FBXO15: variants seen among roughly 807,000 people sequenced by gnomAD.
FBXO15 encodes the protein F-box protein 15.
FBXO15 carries 30 observed loss-of-function variants against 49.5 expected under a neutral mutation model. The ratio of observed to expected loss-of-function variants is 0.61; its 90% CI spans 0.45 to 0.82. The LOEUF (loss-of-function observed/expected upper bound fraction) is 0.82. Among genes scored for constraint, FBXO15 ranks in the 40% least tolerant of loss-of-function variants. The pLI is 0.00. For synonymous variants in FBXO15, 250 were observed against 232.7 expected, an observed-to-expected ratio of 1.07 and a Z score of -0.68; for missense variants, 591 against 631.5, an observed-to-expected ratio of 0.94 and a Z score of 0.69.
At chr18:74,091,503 T>A (rs888827636) in intron 8 of FBXO15, among the ~76,000 whole-genome samples, 2 of 152,232 alleles carry the variant, frequency 1.3e-5, no homozygotes, top group Admixed American at 1.3e-4. Context: ...GTCTATGTAC[T>A]TAATGTGTTT....
At chr18:74,108,394 C>T (rs1188491643) in intron 8 of FBXO15, among the ~76,000 whole-genome samples, 1 of 151,420 alleles carries the variant, frequency 6.6e-6, no homozygotes, top group Non-Finnish European at 1.5e-5. Context: ...ATTAAAAACC[C>T]GGTAACAGAG....
chr18:74,111,261 C>CAAAAAAAAAAAA (rs60236226), intron 8 of FBXO15, among the ~76,000 whole-genome samples: 3 of 84,356 alleles, frequency 3.6e-5, no homozygotes, highest in Non-Finnish European at 8.0e-5. Flanking sequence ...GTCTCTGTCT[C>CAAAAAAAAAAAA]AAAAAAAAAA....
At position 74,130,592 on chromosome 18, in the gene FBXO15, T is replaced by C. The variant is rs1978334293; in HGVS notation, c.399A>G (p.Ser133=). 1.9e-6 allele frequency: 3 copies of C among 1,614,044 alleles called. No homozygotes were observed. Among genetic ancestry groups the C allele is most frequent in the Middle Eastern group, 1.6e-4 (1 of 6,084 alleles). The change falls in exon 4 of 10, where the codon TCA becomes TCG. Residue 133 remains serine, a synonymous_variant. Coordinates refer to ENST00000419743, the MANE Select transcript of FBXO15 (RefSeq NM_001142958.2). ...TCATAGACATAGCTATCTTCTCTACTGAATTAAATTTCCAATTTGATCTTG... is the reference window on the plus strand; with the variant it reads ...TCATAGACATAGCTATCTTCTCTACCGAATTAAATTTCCAATTTGATCTTG... ...SPARSNWKFN[S]VEKIAMSMSF...
intron 8 of FBXO15, among the ~76,000 whole-genome samples, chr18:74,093,264 G>GGA (rs1555676380): frequency 2.4e-4 from 2 of 8,316 alleles, no homozygotes; most frequent in Admixed American, 4.0e-3. Context: ...GCAAAACAAT[G>GGA]GGGGGGGGGT....
At chr18:74,073,798 G>C (rs1568151772) in intron 9 of FBXO15, 68 bp from the exon 10 acceptor site, 4 of 1,534,878 alleles carry the variant, frequency 2.6e-6, no homozygotes, top group East Asian at 2.3e-5. Context: ...AGAAAATCGT[G>C]ACTCTGTAAA....
intron 6 of FBXO15, among the ~76,000 whole-genome samples, chr18:74,125,707 T>G (rs964517880): frequency 6.6e-6 from 1 of 151,978 alleles, no homozygotes; most frequent in African/African-American, 2.4e-5. Context: ...AAGGAAAACA[T>G]GAAGGCAGGA....
intron 8 of FBXO15, among the ~76,000 whole-genome samples, chr18:74,118,717 A>C (rs1248357302): frequency 1.3e-5 from 2 of 152,162 alleles, no homozygotes; most frequent in African/African-American, 4.8e-5. Context: ...TCAGATGAGA[A>C]ATGGCACAAG....
rs922328015 is a variant in FBXO15 at position 74,074,408 on chromosome 18, T to C, written c.1264-678A>G. Among the ~76,000 whole-genome samples, 7 of 152,176 alleles carry C rather than the reference T, an allele frequency of 4.6e-5. No individual in the cohort carries two copies. Among genetic ancestry groups the C allele is most frequent in the Non-Finnish European group, 1.0e-4 (7 of 68,042 alleles). On this transcript the variant is annotated intron_variant, in intron 9 of 9. Coordinates refer to ENST00000419743, the MANE Select transcript of FBXO15 (RefSeq NM_001142958.2). The surrounding 1 kb of genome is among the most constrained non-coding windows in gnomAD (Gnocchi z 4.7). ...TGGTGGAGCCTCCAGTATCCTGGACTCTCAACTCCTGAGCTGGTCAACTCC... is the reference window on the plus strand; with the variant it reads ...TGGTGGAGCCTCCAGTATCCTGGACCCTCAACTCCTGAGCTGGTCAACTCC...
intron 8 of FBXO15, chr18:74,097,847 T>C (rs761377612): frequency 2.0e-5 from 3 of 152,282 alleles, no homozygotes; most frequent in Admixed American, 2.0e-4. Flanking sequence ...CTAAGGACCC[T>C]TGCAGAGTCC....
chr18:74,122,636 C>T (rs1914522491), intron 8 of FBXO15: 1 of 152,114 alleles, frequency 6.6e-6, no homozygotes, highest in African/African-American at 2.4e-5. Context: ...TAGTGGTCAC[C>T]ATCTTAACCA....
intron 2 of FBXO15, among the ~76,000 whole-genome samples, chr18:74,136,366 C>G (rs1978725136): frequency 6.6e-6 from 1 of 152,100 alleles, no homozygotes; most frequent in African/African-American, 2.4e-5. Context: ...ATTTTTTGTG[C>G]AATTTCACCA....
At position 74,094,045 on chromosome 18, in the gene FBXO15, G is replaced by A. The variant is rs200173046; in HGVS notation, c.1139-11994C>T. 1.4e-4 allele frequency among the ~76,000 whole-genome samples: 21 copies of A among 152,294 alleles called. No homozygotes were observed. The East Asian group carries it at 2.7e-3, about 20-fold the overall frequency. On this transcript the variant is annotated intron_variant, in intron 8 of 9. Coordinates refer to ENST00000419743, the MANE Select transcript of FBXO15 (RefSeq NM_001142958.2). ...TTATGGATTACAGAATGGATGTTGCGTTAGCAGGCATGAAAACAACATTAA... is the reference window on the plus strand; with the variant it reads ...TTATGGATTACAGAATGGATGTTGCATTAGCAGGCATGAAAACAACATTAA...
chr18:74,084,595 G>A (rs1405070320), intron 8 of FBXO15, among the ~76,000 whole-genome samples: 2 of 152,128 alleles, frequency 1.3e-5, no homozygotes, highest in Non-Finnish European at 1.5e-5. Flanking sequence ...TTAAATTCCC[G>A]TGCTCCTTAA....
intron 3 of FBXO15, 112 bp from the exon 4 acceptor site, chr18:74,130,770 C>A (rs894878567): frequency 1.7e-6 from 2 of 1,175,800 alleles, no homozygotes; most frequent in African/African-American, 1.6e-5. Flanking sequence ...ATGAATAAGC[C>A]AAGCTGAATA....
At chr18:74,138,112 T>C (rs1978834551) in intron 2 of FBXO15, among the ~76,000 whole-genome samples, 1 of 152,116 alleles carries the variant, frequency 6.6e-6, no homozygotes, top group Non-Finnish European at 1.5e-5. Context: ...GAAACTGCAC[T>C]CTTCCTTTGG....
chr18:74,129,295 T>A, intron 5 of FBXO15, 110 bp downstream of exon 5: 1 of 860,260 alleles, frequency 1.2e-6, no homozygotes, highest in South Asian at 1.8e-5. Flanking sequence ...ACATTTAATA[T>A]GTGATAAAAT....
intron 3 of FBXO15, among the ~76,000 whole-genome samples, chr18:74,132,070 C>G (rs994712020): frequency 6.6e-6 from 1 of 152,188 alleles, no homozygotes; most frequent in Non-Finnish European, 1.5e-5. Flanking sequence ...AGTCATTTCT[C>G]ACTCTGCAAA....
At chr18:74,100,138 T>C (rs1029212998) in intron 8 of FBXO15, 15 of 152,286 alleles carry the variant, frequency 9.8e-5, no homozygotes, top group African/African-American at 3.6e-4. Context: ...TGCATGGAAC[T>C]TTCTCCAAGA....
intron 3 of FBXO15, 39 bp from the exon 4 acceptor site, chr18:74,130,697 T>C: frequency 6.3e-7 from 1 of 1,584,556 alleles, no homozygotes; most frequent in Non-Finnish European, 8.6e-7. Flanking sequence ...TAAGAGACAC[T>C]GTCACCTACC....
Sources: gnomAD v4.1 joint callset for allele counts (sites outside exome capture counted in the v4.1 genomes callset) on GRCh38, gnomAD v4.1.1 for gene constraint, Gnocchi (gnomAD v3.1) non-coding constraint, MANE v1.5 for transcripts, NCBI Gene and HGNC (gene_info 2026-07-23, HGNC 2026-07-21) for gene names.